Variants in SLC5A10 observed in about 807,000 individuals in gnomAD.
SLC5A10 encodes the protein solute carrier family 5 member 10.
SLC5A10 carries 55 observed loss-of-function variants against 68.9 expected under a neutral mutation model. The ratio of observed to expected loss-of-function variants is 0.80; its 90% CI spans 0.64 to 1.00. SLC5A10 has a LOEUF of 1.00. SLC5A10 is among the 50% of genes least tolerant of loss of function. The pLI, the probability that SLC5A10 is intolerant of heterozygous loss-of-function variation, is 0.00. For synonymous variants in SLC5A10, 344 were observed against 344.8 expected (o/e 1.00, Z 0.02); for missense variants, 732 against 819.3 (o/e 0.89, Z 1.30).
At chr17:18,989,181 C>T (rs1458976134) in intron 9 of SLC5A10, among the ~76,000 whole-genome samples, 2 of 151,308 alleles carry the variant, frequency 1.3e-5, no homozygotes, top group Non-Finnish European at 3.0e-5. Context: ...TCCCACCCTC[C>T]GAGCCTGGCA....
chr17:19,017,444 A>T lies in SLC5A10; in HGVS notation c.1242-1979A>T, dbSNP rs1478212869. On this transcript the variant is annotated intron_variant, in intron 11 of 14. Transcript: ENST00000395645. The surrounding 1 kb of genome is among the most constrained non-coding windows in gnomAD (Gnocchi z 5.6). ...TCTCTGTCAGGGAGAGGCGAGGCTT[A>T]CAGAGAGAAGACCAACAGCCCAGAG... is the stretch of plus-strand genomic sequence containing the variant. 6.6e-7 allele frequency: 1 copy of T among 1,520,534 alleles called. No individual in the cohort carries two copies. The highest frequency in any genetic ancestry group is 8.9e-7 in the Non-Finnish European group (1 of 1,118,880). 94.2% of individuals were successfully genotyped at this position (1,520,534 alleles called of 1,614,324 possible).
chr17:19,005,986 T>C (rs1567809199), intron 9 of SLC5A10, among the ~76,000 whole-genome samples: 2 of 152,266 alleles, frequency 1.3e-5, no homozygotes, highest in East Asian at 3.9e-4. Context: ...TGTAAGACCT[T>C]CTCTGAGCCG....
chr17:18,956,080 G>A (rs1192947325), intron 1 of SLC5A10, among the ~76,000 whole-genome samples: 1 of 152,096 alleles, frequency 6.6e-6, no homozygotes, highest in Non-Finnish European at 1.5e-5. Flanking sequence ...TGTAATCCCA[G>A]CTACTAGGGA....
intron 9 of SLC5A10, chr17:18,978,922 A>G: frequency 6.5e-7 from 1 of 1,546,600 alleles, no homozygotes; most frequent in African/African-American, 1.4e-5. Flanking sequence ...GTGCACCCAT[A>G]GCCGCTGGGC....
At chr17:19,009,887 G>A (rs2043978179) in intron 9 of SLC5A10, among the ~76,000 whole-genome samples, 1 of 152,054 alleles carries the variant, frequency 6.6e-6, no homozygotes, top group African/African-American at 2.4e-5. Context: ...TGAATTGAGA[G>A]GAATGAGTAT....
chr17:18,992,403 C>T (rs915061931), intron 9 of SLC5A10, among the ~76,000 whole-genome samples: 2 of 152,202 alleles, frequency 1.3e-5, no homozygotes, highest in African/African-American at 2.4e-5. Flanking sequence ...GGGCAGTGAC[C>T]GGAGCAGCTT....
intron 8 of SLC5A10, among the ~76,000 whole-genome samples, chr17:18,973,186 C>T (rs1384717249): frequency 6.6e-6 from 1 of 152,236 alleles, no homozygotes; most frequent in East Asian, 1.9e-4. Context: ...CCCCTTTACA[C>T]CCGCCACCTC....
chr17:18,967,050 T>C (rs1186850208), intron 5 of SLC5A10, among the ~76,000 whole-genome samples: 1 of 152,168 alleles, frequency 6.6e-6, no homozygotes, highest in Non-Finnish European at 1.5e-5. Context: ...TGTGTGGCTC[T>C]TGGCATCTGT....
chr17:18,978,901 G>A (rs2074271), intron 9 of SLC5A10: 112,282 of 1,588,624 alleles, frequency 0.071, 7,183 homozygotes, highest in South Asian at 0.29. Context: ...TGCTTCCTCC[G>A]CCCAGCCCCC....
chr17:18,971,595 C>T lies in SLC5A10; in HGVS notation c.846+377C>T. 1 of 1,613,622 alleles carries T rather than the reference C, an allele frequency of 6.2e-7. No individual in the cohort carries two copies. The highest frequency in any genetic ancestry group is 8.5e-7 in the Non-Finnish European group (1 of 1,180,010). On this transcript the variant is annotated intron_variant, in intron 8 of 14. Coordinates refer to ENST00000395645, the MANE Select transcript of SLC5A10 (RefSeq NM_001042450.4). This position sits in a 1 kb window ranked among gnomAD's most constrained non-coding sequence, Gnocchi z 5.5. ...AGGCGGGGTACCTGACCTCCCTTGG[C>T]CTGCCAGTGGTGGGGGCCAGCCATG...
Position 19,003,549 on chromosome 17 carries a change from C to T in SLC5A10, c.983-9861C>T, listed in dbSNP as rs756510903. 6.4e-7 allele frequency: 1 copy of T among 1,554,666 alleles called. No individual in the cohort carries two copies. Among genetic ancestry groups the T allele is most frequent in the Non-Finnish European group, 8.7e-7 (1 of 1,150,166 alleles). On this transcript the variant is annotated intron_variant, in intron 9 of 14. Transcript: ENST00000395645. This position sits in a 1 kb window ranked among gnomAD's most constrained non-coding sequence, Gnocchi z 4.5. ...TGTGCCTGGCTGATCATCTTCCGCA[C>T]CACCTCTTTGATGTGGGCCTGCCCG...
At chr17:19,005,787 C>T (rs748054333) in intron 9 of SLC5A10, among the ~76,000 whole-genome samples, 11 of 152,172 alleles carry the variant, frequency 7.2e-5, no homozygotes, top group Non-Finnish European at 1.5e-4. Context: ...AGCATGAAGT[C>T]CTACACTCTG....
intron 5 of SLC5A10, 22 bp downstream of exon 5, chr17:18,960,674 G>A: frequency 6.2e-7 from 1 of 1,607,550 alleles, no homozygotes; most frequent in South Asian, 1.1e-5. Flanking sequence ...CCGGCTCCCT[G>A]CTGGCATAGC....
rs923932718 is a variant in SLC5A10 at position 19,017,488 on chromosome 17, C to G, written c.1242-1935C>G. The G allele has an allele frequency of 8.3e-7, 1 of 1,206,360 alleles. No individual in the cohort carries two copies. The highest frequency in any genetic ancestry group is 1.5e-5 in the African/African-American group (1 of 66,292). 74.7% of individuals were successfully genotyped at this position (1,206,360 alleles called of 1,614,324 possible). A position where few individuals can be genotyped will look rare whatever the true frequency, so the allele number is the denominator to read the frequency against. On this transcript the variant is annotated intron_variant, in intron 11 of 14. Transcript: ENST00000395645. This position sits in a 1 kb window ranked among gnomAD's most constrained non-coding sequence, Gnocchi z 5.6. ...CCCAGAGGCCTGGAGAGGAGGCCAT[C>G]GCAGGGCCGGGTGCAGTACCATGCC...
intron 9 of SLC5A10, among the ~76,000 whole-genome samples, chr17:18,983,988 C>G (rs569734262): frequency 1.8e-4 from 28 of 152,292 alleles, no homozygotes; most frequent in African/African-American, 6.5e-4. Flanking sequence ...GGTAGTACCC[C>G]CAAGGTGGAC....
intron 9 of SLC5A10, chr17:18,979,177 T>C: frequency 2.1e-6 from 1 of 480,538 alleles, no homozygotes; most frequent in Non-Finnish European, 3.8e-6. Context: ...CATGCGTCTA[T>C]GCTGCCACCA....
chr17:19,011,704 T>C (rs1325048597), intron 9 of SLC5A10, among the ~76,000 whole-genome samples: 1 of 151,016 alleles, frequency 6.6e-6, no homozygotes, highest in Non-Finnish European at 1.5e-5. Flanking sequence ...GCCTGGGGGA[T>C]GACAGGAACC....
Position 19,003,577 on chromosome 17 carries a change from T to C in SLC5A10, c.983-9833T>C. On this transcript the variant is annotated intron_variant, in intron 9 of 14. Coordinates refer to ENST00000395645, the MANE Select transcript of SLC5A10 (RefSeq NM_001042450.4). This position sits in a 1 kb window ranked among gnomAD's most constrained non-coding sequence, Gnocchi z 4.5. ...CCTCTTTGATGTGGGCCTGCCCGTC[T>C]ATGGGGGGCTGCATGTAGACGCTAG... The C allele has an allele frequency of 1.3e-6, 2 of 1,593,822 alleles. No individual in the cohort carries two copies. Among genetic ancestry groups the C allele is most frequent in the Non-Finnish European group, 1.7e-6 (2 of 1,170,076 alleles).
chr17:18,979,819 G>C (rs2043083551), intron 9 of SLC5A10: 1 of 917,826 alleles, frequency 1.1e-6, no homozygotes, highest in Non-Finnish European at 1.7e-6. Context: ...GGAGAAAGGG[G>C]CTGGTGTGTC....
Sources: allele counts gnomAD v4.1 joint callset (sites outside exome capture counted in the v4.1 genomes callset), GRCh38; gene constraint gnomAD v4.1.1; non-coding constraint Gnocchi (gnomAD v3.1); transcripts MANE v1.5; gene names NCBI Gene and HGNC (gene_info 2026-07-23, HGNC 2026-07-21).